TRIM4: variants seen among roughly 807,000 people sequenced by gnomAD.
The protein encoded by TRIM4 is E3 ubiquitin-protein ligase TRIM4.
A neutral mutation model predicts 33.7 loss-of-function variants in TRIM4; 29 were observed. The ratio of observed to expected loss-of-function variants is 0.86; its 90% CI spans 0.64 to 1.17. The LOEUF (loss-of-function observed/expected upper bound fraction) is 1.17, where lower values mean the gene tolerates loss of function less well. TRIM4 is among the 50% of genes most tolerant of loss of function. The pLI is 0.00. For missense variants in TRIM4, 554 were observed against 593.7 expected, an observed-to-expected ratio of 0.93 and a Z score of 0.69; for synonymous variants, 224 against 233.0, an observed-to-expected ratio of 0.96 and a Z score of 0.35.
At chr7:99,908,073 G>A (rs1443738345) in intron 3 of TRIM4, among the ~76,000 whole-genome samples, 1 of 152,192 alleles carries the variant, frequency 6.6e-6, no homozygotes, top group Non-Finnish European at 1.5e-5. Flanking sequence ...TAAGTGCTAA[G>A]TTAGAATTAT....
intron 5 of TRIM4, among the ~76,000 whole-genome samples, chr7:99,895,855 T>A (rs961267898): frequency 6.6e-6 from 1 of 152,184 alleles, no homozygotes; most frequent in Non-Finnish European, 1.5e-5. Context: ...CCACTCCAGA[T>A]CTATTAACAT....
chr7:99,903,156 T>C (rs1554452216), intron 5 of TRIM4, 62 bp downstream of exon 5: 1 of 1,260,732 alleles, frequency 7.9e-7, no homozygotes, highest in South Asian at 1.3e-5. Context: ...TCCAGACTTC[T>C]CTCTTTATTC....
In TRIM4 at chr7:99,919,180, C is replaced by T; in HGVS notation, c.222G>A (p.Thr74=). 1 of 1,475,042 alleles carries T rather than the reference C, an allele frequency of 6.8e-7. No individual in the cohort carries two copies. Among genetic ancestry groups the T allele is most frequent in the Non-Finnish European group, 9.0e-7 (1 of 1,115,008 alleles). The allele number at this position is 1,475,042 out of a possible 1,614,324, so 91.4% of individuals were successfully genotyped here. ...GCACGGGGCCCAGGCGCCGGCGCTG[C>T]GTCTTCTCAGTCAGCCTGGCCAGGG... ...NWALARLTEK[T]QRRRLGPVPP... Residue 74 remains threonine (T), a synonymous_variant, in exon 1 of 6, where the codon ACG becomes ACA. Transcript: ENST00000349062.
At chr7:99,916,908 TTTC>T in intron 1 of TRIM4, 1 of 675,974 alleles carries the variant, frequency 1.5e-6, no homozygotes, top group Non-Finnish European at 2.7e-6. Context: ...GCCCTGCCTT[TTTC>T]TTCAAGCTCA....
chr7:99,891,902 C>T lies in TRIM4; in HGVS notation c.*261G>A, dbSNP rs1198530924. 5 of 400,420 alleles carry T rather than the reference C, an allele frequency of 1.2e-5. No homozygotes were observed. The highest frequency in any genetic ancestry group is 2.2e-5 in the Non-Finnish European group (5 of 225,060). The allele number at this position is 400,420 out of a possible 1,614,324, so 24.8% of individuals were successfully genotyped here. On this transcript the variant is annotated 3_prime_UTR_variant, in exon 6 of 6. Transcript: ENST00000349062. ...GCTGCTAACATCCATATGTCTTCCCCGCACATCTCTTTAAAAGCTACAAAA... is the reference window on the plus strand; with the variant it reads ...GCTGCTAACATCCATATGTCTTCCCTGCACATCTCTTTAAAAGCTACAAAA...
At chr7:99,898,724 T>A (rs1819082614) in intron 5 of TRIM4, among the ~76,000 whole-genome samples, 2 of 152,340 alleles carry the variant, frequency 1.3e-5, no homozygotes, top group South Asian at 4.1e-4. Context: ...ACTGGGCAAC[T>A]GTGTAAAATC....
chr7:99,919,000 C>A lies in TRIM4; in HGVS notation c.393+9G>T. 6.3e-7 allele frequency: 1 copy of A among 1,584,090 alleles called. No homozygotes were observed. The highest frequency in any genetic ancestry group is 8.6e-7 in the Non-Finnish European group (1 of 1,167,682). On this transcript the variant is annotated intron_variant, in intron 1 of 5. Coordinates refer to ENST00000349062, the MANE Select transcript of TRIM4 (RefSeq NM_033091.3). ...AGCCCCGTCATAGTCACCGCGACGGCCAGCTCACCCGGTAGCTCTCGAAGG... is the reference window on the plus strand; with the variant it reads ...AGCCCCGTCATAGTCACCGCGACGGACAGCTCACCCGGTAGCTCTCGAAGG...
chr7:99,899,989 T>A (rs1341785895), intron 5 of TRIM4, among the ~76,000 whole-genome samples: 1 of 152,240 alleles, frequency 6.6e-6, no homozygotes, highest in African/African-American at 2.4e-5. Context: ...TCTCACTATG[T>A]TGCCCAGGCT....
Position 99,919,133 on chromosome 7 carries a change from T to A in TRIM4, c.269A>T (p.His90Leu). The A allele has an allele frequency of 6.6e-7, 1 of 1,512,934 alleles. No homozygotes were observed. Among genetic ancestry groups the A allele is most frequent in the Non-Finnish European group, 8.9e-7 (1 of 1,129,404 alleles). 93.7% of individuals were successfully genotyped at this position (1,512,934 alleles called of 1,614,324 possible). A position where few individuals can be genotyped will look rare whatever the true frequency, so the allele number is the denominator to read the frequency against. The change falls in exon 1 of 6, where the codon CAC becomes CTC. Residue 90 changes from histidine (H) to leucine (L), a missense_variant. Transcript: ENST00000349062. ...GCAGAAGAGCCGCAGCGGCTCCCAG[T>A]GGCGGCCGCACAGGCCCGGGGGCAC... ...GPVPPGLCGRHWEPLRLFCED... is the reference protein window; with the variant it reads ...GPVPPGLCGRLWEPLRLFCED...
Position 99,905,372 on chromosome 7 carries a change from C to T in TRIM4, c.721-1774G>A, listed in dbSNP as rs1448400783. ...ACCAGGAATTGTTCTCACAGGTATA[C>T]AACTGATAGAAATGTATATAAATGT... is the stretch of plus-strand genomic sequence containing the variant. On this transcript the variant is annotated intron_variant, in intron 3 of 5. Coordinates refer to ENST00000349062, the MANE Select transcript of TRIM4 (RefSeq NM_033091.3). 1.3e-5 allele frequency among the ~76,000 whole-genome samples: 2 copies of T among 152,180 alleles called. 1 individual carries two copies. Among genetic ancestry groups the T allele is most frequent in the Non-Finnish European group, 2.9e-5 (2 of 68,030 alleles).
chr7:99,909,727 TTG>T, intron 1 of TRIM4, 67 bp from the exon 2 acceptor site: 105 of 1,144,080 alleles, frequency 9.2e-5, no homozygotes, highest in East Asian at 2.3e-4. Context: ...TTTTTTCTTT[TTG>T]TTTTTTTTTT....
At chr7:99,917,934 C>T (rs959901643) in intron 1 of TRIM4, 2 of 822,834 alleles carry the variant, frequency 2.4e-6, no homozygotes, top group African/African-American at 3.7e-5. Context: ...GAAACAAAAG[C>T]AAGAAAGCCA....
chr7:99,902,138 T>C (rs1024086768), intron 5 of TRIM4: 1 of 765,206 alleles, frequency 1.3e-6, no homozygotes, highest in East Asian at 2.4e-5. Context: ...GTTTCACATA[T>C]TGTGCCTGTT....
At chr7:99,897,413 C>T (rs1250470448) in intron 5 of TRIM4, among the ~76,000 whole-genome samples, 2 of 152,100 alleles carry the variant, frequency 1.3e-5, no homozygotes, top group Non-Finnish European at 2.9e-5. Context: ...CACTCTCCCA[C>T]TTAGTAGAAA....
Position 99,919,484 on chromosome 7 carries a change from A to G in TRIM4, c.-83T>C. ...CTGCGAGCGGCCGCGGGGAGGCCAG[A>G]CGACTTCCGAACCGCCGTCACCGCC... is the stretch of plus-strand genomic sequence containing the variant. On this transcript the variant is annotated 5_prime_UTR_variant, in exon 1 of 6. Coordinates refer to ENST00000349062, the MANE Select transcript of TRIM4 (RefSeq NM_033091.3). 7.2e-7 allele frequency: 1 copy of G among 1,391,494 alleles called. No individual in the cohort carries two copies. Among genetic ancestry groups the G allele is most frequent in the Non-Finnish European group, 9.4e-7 (1 of 1,064,376 alleles). The allele number at this position is 1,391,494 out of a possible 1,614,324, so 86.2% of individuals were successfully genotyped here.
At position 99,891,683 on chromosome 7, in the gene TRIM4, T is replaced by A. The variant is rs1459025913; in HGVS notation, c.*480A>T. The A allele has an allele frequency of 6.4e-6, 1 of 156,462 alleles. No homozygotes were observed. Among genetic ancestry groups the A allele is most frequent in the East Asian group, 1.9e-4 (1 of 5,270 alleles). The allele number at this position is 156,462 out of a possible 1,614,324, so 9.7% of individuals were successfully genotyped here. A position where few individuals can be genotyped will look rare whatever the true frequency, so the allele number is the denominator to read the frequency against. On this transcript the variant is annotated 3_prime_UTR_variant, in exon 6 of 6. Transcript: ENST00000349062. ...TATACTGCGGGATGTTCACACTACGTCCCTTTAGTGCAGTTACGGTACTTC... is the reference window on the plus strand; with the variant it reads ...TATACTGCGGGATGTTCACACTACGACCCTTTAGTGCAGTTACGGTACTTC...
At chr7:99,913,821 T>A (rs1431475785) in intron 1 of TRIM4, among the ~76,000 whole-genome samples, 1 of 152,216 alleles carries the variant, frequency 6.6e-6, no homozygotes, top group Non-Finnish European at 1.5e-5. Context: ...TGACTTGTGA[T>A]CATGTAGCTC....
At chr7:99,892,848 CAA>C (rs1818927980) in intron 5 of TRIM4, 102 bp from the exon 6 acceptor site, 2 of 1,048,168 alleles carry the variant, frequency 1.9e-6, no homozygotes, top group Admixed American at 5.0e-5. Context: ...CTCCTCCTAA[CAA>C]ACACTCATGA....
chr7:99,919,446 A>AGAGGCCAGCAAGCTGCGAGCGGCCGCGGG lies in TRIM4; in HGVS notation c.-74_-46dup, dbSNP rs1268768537. On this transcript the variant is annotated 5_prime_UTR_variant, in exon 1 of 6. Transcript: ENST00000349062. ...GACGGAGTCCGACGTGAGGCGCGGG[A>AGAGGCCAGCAAGCTGCGAGCGGCCGCGGG]GAGGCCAGCAAGCTGCGAGCGGCCG... is the stretch of plus-strand genomic sequence containing the variant. 5 of 1,473,192 alleles carry AGAGGCCAGCAAGCTGCGAGCGGCCGCGGG rather than the reference A, an allele frequency of 3.4e-6. No homozygotes were observed. In the East Asian group the frequency reaches 1.4e-4, roughly 41 times the overall value. 91.3% of individuals were successfully genotyped at this position (1,473,192 alleles called of 1,614,324 possible). A position where few individuals can be genotyped will look rare whatever the true frequency, so the allele number is the denominator to read the frequency against.
Sources: allele counts gnomAD v4.1 joint callset (sites outside exome capture counted in the v4.1 genomes callset), GRCh38; gene constraint gnomAD v4.1.1; transcripts MANE v1.5; gene names NCBI Gene and HGNC (gene_info 2026-07-23, HGNC 2026-07-21).